Variants in ADGRL3 observed in about 807,000 individuals in gnomAD.
ADGRL3 encodes calcium-independent alpha-latrotoxin receptor 3.
Under a neutral mutation model 153.5 loss-of-function variants are expected in ADGRL3, and 62 were observed. The ratio of observed to expected loss-of-function variants is 0.40; its 90% CI spans 0.33 to 0.50. ADGRL3 has a LOEUF of 0.50. Ranked by LOEUF, ADGRL3 falls within the 20% of genes least tolerant of loss-of-function variation. The pLI is 0.47. For synonymous variants in ADGRL3, 710 were observed against 672.5 expected (o/e 1.06, Z -0.86); for missense variants, 1,641 against 1,859.4 (o/e 0.88, Z 2.16).
At chr4:61,517,596 C>T (rs1265320625) in intron 4 of ADGRL3, 78 bp downstream of exon 4, 2 of 680,384 alleles carry the variant, frequency 2.9e-6, no homozygotes, top group Non-Finnish European at 5.4e-6. Flanking sequence ...AGGAAATGCC[C>T]GAAATGTGTC....
At chr4:61,393,114 T>C (rs2096832333) in intron 2 of ADGRL3, among the ~76,000 whole-genome samples, 1 of 152,094 alleles carries the variant, frequency 6.6e-6, no homozygotes, top group Non-Finnish European at 1.5e-5. Context: ...CCCTGGATTG[T>C]AGTATTCTCA....
intron 2 of ADGRL3, among the ~76,000 whole-genome samples, chr4:61,423,676 G>C (rs1023435081): frequency 7.2e-5 from 11 of 152,124 alleles, no homozygotes; most frequent in African/African-American, 2.7e-4. Flanking sequence ...GTAAGAGCTG[G>C]GATTAGTAGG....
intron 13 of ADGRL3, among the ~76,000 whole-genome samples, chr4:61,930,659 G>T (rs374592107): frequency 6.6e-6 from 1 of 151,520 alleles, no homozygotes; most frequent in Non-Finnish European, 1.5e-5. Flanking sequence ...TAATAATGTC[G>T]CATTAAAAAA....
chr4:61,233,846 T>G (rs763488507), intron 1 of ADGRL3, among the ~76,000 whole-genome samples: 8 of 152,068 alleles, frequency 5.3e-5, no homozygotes, highest in Non-Finnish European at 1.0e-4. Context: ...GTCTACTGGA[T>G]GTATAAGGTT....
At position 61,517,319 on chromosome 4, in the gene ADGRL3, C is replaced by G. The variant is rs1173640671; in HGVS notation, c.60C>G (p.Gly20=). The part of the protein sequence containing the change: ...MMLLAPIIHG[G]KHSERHPALA... Reference sequence around the variant, plus strand: ...TGCGCCCTGCGGTCCCCGCAGGTGGCAAGCACAGTGAACGACATCCTGCCC... The same window carrying G: ...TGCGCCCTGCGGTCCCCGCAGGTGGGAAGCACAGTGAACGACATCCTGCCC... Residue 20 remains glycine (G), a synonymous_variant, in exon 4 of 27, where the codon GGC becomes GGG. Coordinates refer to ENST00000683033, the MANE Select transcript of ADGRL3 (RefSeq NM_001387552.1). 4.3e-6 allele frequency: 3 copies of G among 702,848 alleles called. No individual in the cohort carries two copies. Among genetic ancestry groups the G allele is most frequent in the Non-Finnish European group, 7.8e-6 (3 of 385,272 alleles). 43.5% of individuals were successfully genotyped at this position (702,848 alleles called of 1,614,324 possible). A position where few individuals can be genotyped will look rare whatever the true frequency, so the allele number is the denominator to read the frequency against.
At chr4:61,903,650 CAAAAA>C (rs55879235) in intron 11 of ADGRL3, among the ~76,000 whole-genome samples, 3 of 72,354 alleles carry the variant, frequency 4.1e-5, no homozygotes, top group Admixed American at 2.5e-4. Flanking sequence ...TGGGAAACAG[CAAAAA>C]AAAAAAAAAA....
At chr4:61,901,868 C>A (rs1238239587) in intron 11 of ADGRL3, among the ~76,000 whole-genome samples, 1 of 152,108 alleles carries the variant, frequency 6.6e-6, no homozygotes, top group Non-Finnish European at 1.5e-5. Flanking sequence ...CATTAATTTA[C>A]TAATCCTCAC....
intron 1 of ADGRL3, among the ~76,000 whole-genome samples, chr4:61,327,588 T>G (rs2095491567): frequency 2.0e-5 from 3 of 151,992 alleles, no homozygotes; most frequent in Admixed American, 2.0e-4. Context: ...TTCAAAGGAC[T>G]GATTTTGGAG....
chr4:61,582,377 C>G (rs1025223183), intron 4 of ADGRL3, among the ~76,000 whole-genome samples: 6 of 151,902 alleles, frequency 3.9e-5, no homozygotes, highest in African/African-American at 7.3e-5. Context: ...TGTGTTGTTC[C>G]TCTCCCTGTC....
chr4:61,815,548 A>G (rs2097678587), intron 9 of ADGRL3, among the ~76,000 whole-genome samples: 1 of 152,214 alleles, frequency 6.6e-6, no homozygotes, highest in South Asian at 2.1e-4. Flanking sequence ...ATTTCAATGA[A>G]TAGATACAGG....
At chr4:61,444,898 C>A (rs1338354111) in intron 2 of ADGRL3, among the ~76,000 whole-genome samples, 2 of 151,868 alleles carry the variant, frequency 1.3e-5, no homozygotes, top group Non-Finnish European at 1.5e-5. Flanking sequence ...ATAAAAAATA[C>A]AAAAATTACC....
intron 1 of ADGRL3, among the ~76,000 whole-genome samples, chr4:61,366,437 T>C (rs1019320675): frequency 2.6e-5 from 4 of 152,198 alleles, no homozygotes; most frequent in Non-Finnish European, 2.9e-5. Context: ...AGATGTTGCA[T>C]TGTAATTTTT....
At chr4:61,445,127 G>A (rs1484518837) in intron 2 of ADGRL3, among the ~76,000 whole-genome samples, 1 of 152,064 alleles carries the variant, frequency 6.6e-6, no homozygotes, top group Non-Finnish European at 1.5e-5. Context: ...CATTATTTCA[G>A]ATACTCTCTA....
intron 6 of ADGRL3, among the ~76,000 whole-genome samples, chr4:61,709,848 A>G (rs1289584437): frequency 1.3e-5 from 2 of 152,162 alleles, no homozygotes; most frequent in East Asian, 1.9e-4. Flanking sequence ...GTACTTTGGC[A>G]TGGAGGATTA....
intron 1 of ADGRL3, among the ~76,000 whole-genome samples, chr4:61,253,262 G>A (rs892251502): frequency 6.6e-6 from 1 of 152,152 alleles, no homozygotes; most frequent in African/African-American, 2.4e-5. Context: ...TCATGCACAA[G>A]ATTTTCTTTT....
At chr4:61,855,212 T>C (rs1244199708) in intron 9 of ADGRL3, among the ~76,000 whole-genome samples, 1 of 152,172 alleles carries the variant, frequency 6.6e-6, no homozygotes, top group Admixed American at 6.5e-5. Flanking sequence ...AAATAGAAAC[T>C]GAATGCTGGC....
intron 3 of ADGRL3, among the ~76,000 whole-genome samples, chr4:61,511,551 A>G (rs759937960): frequency 1.2e-4 from 19 of 152,234 alleles, no homozygotes; most frequent in Non-Finnish European, 2.4e-4. Context: ...AATGACTACA[A>G]AAGTTTATCT....
intron 6 of ADGRL3, among the ~76,000 whole-genome samples, chr4:61,683,156 A>G (rs1384508773): frequency 6.9e-6 from 1 of 145,798 alleles, no homozygotes; most frequent in Non-Finnish European, 1.5e-5. Context: ...TCTGTCACCC[A>G]GGCTGAAGTG....
At chr4:61,269,481 A>G (rs542102259) in intron 1 of ADGRL3, among the ~76,000 whole-genome samples, 10 of 151,644 alleles carry the variant, frequency 6.6e-5, no homozygotes, top group Non-Finnish European at 1.5e-4. Context: ...ATCATCTTTC[A>G]TTATCATGCC....
Sources: allele counts gnomAD v4.1 joint callset (sites outside exome capture counted in the v4.1 genomes callset), GRCh38; gene constraint gnomAD v4.1.1; transcripts MANE v1.5; gene names NCBI Gene and HGNC (gene_info 2026-07-23, HGNC 2026-07-21).